MARF1: variants seen among roughly 807,000 people sequenced by gnomAD.
The protein encoded by MARF1 is meiosis regulator and mRNA stability factor 1.
MARF1 carries 24 observed loss-of-function variants against 168.2 expected under a neutral mutation model. The ratio of observed to expected loss-of-function variants is 0.14; its 90% CI spans 0.10 to 0.20. The LOEUF (loss-of-function observed/expected upper bound fraction) is 0.20, where lower values mean the gene tolerates loss of function less well. MARF1 is among the 10% of genes least tolerant of loss of function. The pLI is 1.00. For missense variants in MARF1, 1,744 were observed against 2,143.6 expected (o/e 0.81, Z 3.68); for synonymous variants, 868 against 822.4 (o/e 1.06, Z -0.95).
At chr16:15,611,185 G>A (rs527836668) in intron 18 of MARF1, 77 bp from the exon 19 acceptor site, 57 of 1,450,022 alleles carry the variant, frequency 3.9e-5, no homozygotes, top group East Asian at 2.1e-4. Flanking sequence ...CCGGCCGGGC[G>A]CTGGGGCTCA....
intron 20 of MARF1, chr16:15,608,854 C>G (rs371710701): frequency 9.2e-5 from 30 of 326,012 alleles, no homozygotes; most frequent in Non-Finnish European, 1.5e-4. Flanking sequence ...TTAGCAACAG[C>G]GAACAGCTTA....
At chr16:15,627,178 C>T (rs2034923464) in intron 7 of MARF1, among the ~76,000 whole-genome samples, 2 of 151,088 alleles carry the variant, frequency 1.3e-5, no homozygotes, top group South Asian at 4.2e-4. Flanking sequence ...ACAGTGAGAC[C>T]CCATCTCTAT....
At position 15,630,486 on chromosome 16, in the gene MARF1, A is replaced by C; in HGVS notation, c.1370T>G (p.Leu457Trp). The change falls in exon 7 of 27, where the codon TTG (leucine) becomes TGG (tryptophan). Residue 457 changes from leucine to tryptophan, a missense_variant. Leu to Trp is a moderately conservative substitution (Grantham distance 61). This residue lies in a region of MARF1 where 217 missense variants were observed against 372.4 expected (regional missense o/e 0.58). Coordinates refer to ENST00000396368, the MANE Select transcript of MARF1 (RefSeq NM_014647.4). ...CCTGTGTCTCAGGTCACTAAGTTCC[A>C]ATGCAAAATTGACATCAGCTGAAAG... ...VLVSTDVNFA[L>W]ELSDLRHRHG... is the part of the protein sequence containing the mutation. The C allele has an allele frequency of 6.2e-7, 1 of 1,613,354 alleles. No individual in the cohort carries two copies. Among genetic ancestry groups the C allele is most frequent in the Non-Finnish European group, 8.5e-7 (1 of 1,179,726 alleles).
intron 11 of MARF1, 33 bp downstream of exon 11, chr16:15,622,901 A>G (rs770647796): frequency 2.6e-6 from 4 of 1,540,832 alleles, no homozygotes; most frequent in African/African-American, 1.4e-5. Context: ...ATCAGAGAGT[A>G]TAACAAAGCA....
intron 4 of MARF1, among the ~76,000 whole-genome samples, chr16:15,634,273 T>A (rs2035441604): frequency 6.6e-6 from 1 of 152,256 alleles, no homozygotes; most frequent in Non-Finnish European, 1.5e-5. Context: ...AAGCTGTTAC[T>A]GTCGTTGATT....
At position 15,595,228 on chromosome 16, in the gene MARF1, G is replaced by A. The variant is rs186961189; in HGVS notation, c.*1465C>T. Reference sequence around the variant, plus strand: ...CATGTGTTGAGAACTGGGAGTCACTGGCTTCATTTAAAAGATTTGGGGAAC... The same window carrying A: ...CATGTGTTGAGAACTGGGAGTCACTAGCTTCATTTAAAAGATTTGGGGAAC... On this transcript the variant is annotated 3_prime_UTR_variant, in exon 27 of 27. Transcript: ENST00000396368. 6.6e-6 allele frequency: 1 copy of A among 152,650 alleles called. No individual in the cohort carries two copies. Among genetic ancestry groups the A allele is most frequent in the African/African-American group, 2.4e-5 (1 of 41,544 alleles). The allele number at this position is 152,650 out of a possible 1,614,324, so 9.5% of individuals were successfully genotyped here. A position where few individuals can be genotyped will look rare whatever the true frequency, so the allele number is the denominator to read the frequency against.
Position 15,639,294 on chromosome 16 carries a change from G to C in MARF1, c.-58-3C>G, listed in dbSNP as rs1246200971. 6.6e-7 allele frequency: 1 copy of C among 1,526,394 alleles called. No individual in the cohort carries two copies. Among genetic ancestry groups the C allele is most frequent in the Non-Finnish European group, 8.9e-7 (1 of 1,126,358 alleles). 94.6% of individuals were successfully genotyped at this position (1,526,394 alleles called of 1,614,324 possible). A position where few individuals can be genotyped will look rare whatever the true frequency, so the allele number is the denominator to read the frequency against. ...TTCTTTTCTTTCATTCTTCCACCCT[G>C]TTAAGAATGAGTAAGATTTCAGTGT... is the stretch of plus-strand genomic sequence containing the variant. On this transcript the variant is annotated splice_polypyrimidine_tract_variant and splice_region_variant and intron_variant, in intron 1 of 26. Coordinates refer to ENST00000396368, the MANE Select transcript of MARF1 (RefSeq NM_014647.4).
In MARF1 at chr16:15,639,173, C is replaced by G. The variant is rs2035786151; in HGVS notation, c.61G>C (p.Asp21His). The G allele has an allele frequency of 6.2e-7, 1 of 1,614,190 alleles. No individual in the cohort carries two copies. Among genetic ancestry groups the G allele is most frequent in the South Asian group, 1.1e-5 (1 of 91,086 alleles). ...CAAAGCCATGGCTTAGCATCATTAT[C>G]TTGTTGAAGCCATCCACGTGTTCTA... is the stretch of plus-strand genomic sequence containing the variant. The part of the protein sequence containing the change: ...CSRTRGWLQQ[D>H]NDAKPWLWKF... Residue 21 changes from aspartate to histidine, a missense_variant, in exon 2 of 27, where the codon GAT (aspartate) becomes CAT (histidine). Coordinates refer to ENST00000396368, the MANE Select transcript of MARF1 (RefSeq NM_014647.4).
intron 21 of MARF1, 134 bp downstream of exon 21, chr16:15,608,157 A>C (rs931834435): frequency 6.3e-6 from 4 of 629,944 alleles, no homozygotes; most frequent in Admixed American, 3.0e-5. Context: ...ACGAGTCATA[A>C]TGCTGTGACA....
chr16:15,604,393 G>A lies in MARF1; in HGVS notation c.4188C>T (p.Ala1396=), dbSNP rs1261788875. 2.5e-6 allele frequency: 4 copies of A among 1,611,198 alleles called. No homozygotes were observed. The highest frequency in any genetic ancestry group is 1.7e-5 in the Admixed American group (1 of 60,014). Residue 1396 remains alanine (A), a synonymous_variant, in exon 22 of 27, where the codon GCC becomes GCT. Transcript: ENST00000396368. ...GAATCTGTCTGCCAGATTCTATATC[G>A]GCAACCTGGGGAAAACGAGAATTCA... ...TQKLCHVVKV[A]DIESGRQIQL... is the part of the protein sequence containing the mutation.
At chr16:15,634,304 C>CA (rs1182007117) in intron 4 of MARF1, among the ~76,000 whole-genome samples, 3 of 152,184 alleles carry the variant, frequency 2.0e-5, no homozygotes, top group Non-Finnish European at 4.4e-5. Flanking sequence ...GCTGCATTAA[C>CA]ATCTGATTTA....
intron 10 of MARF1, 88 bp downstream of exon 10, chr16:15,624,681 C>T (rs1043668500): frequency 7.9e-7 from 1 of 1,264,988 alleles, no homozygotes; most frequent in African/African-American, 1.5e-5. Context: ...CATTTCAGTA[C>T]TATCTGAATT....
intron 17 of MARF1, 141 bp downstream of exon 17, chr16:15,612,416 C>G: frequency 1.4e-6 from 1 of 715,484 alleles, no homozygotes; most frequent in Non-Finnish European, 2.5e-6. Flanking sequence ...TGTGTTATTC[C>G]TGCCCTCTGA....
rs1471778778 is a variant in MARF1 at position 15,608,169 on chromosome 16, T to A, written c.4182+122A>T. The A allele has an allele frequency of 6.2e-6, 4 of 642,314 alleles. No homozygotes were observed. The East Asian group carries it at 1.1e-4, about 17-fold the overall frequency. 39.8% of individuals were successfully genotyped at this position (642,314 alleles called of 1,614,324 possible). ...AAAACGAGTCATAATGCTGTGACAG[T>A]TAAGTAGTTCAAGGTGTAAATAAAG... On this transcript the variant is annotated intron_variant, in intron 21 of 26. Transcript: ENST00000396368.
rs964463455 is a variant in MARF1, at chr16:15,595,495, G to C, written c.*1198C>G. On this transcript the variant is annotated 3_prime_UTR_variant, in exon 27 of 27. Coordinates refer to ENST00000396368, the MANE Select transcript of MARF1 (RefSeq NM_014647.4). The stretch of plus-strand genomic sequence containing the variant: ...TTGTAAATGTCAGGTTTCTCTAGAG[G>C]GGGGTGAGAGGCCACCCGTCAGCGG... 2.0e-5 allele frequency: 3 copies of C among 152,648 alleles called. No individual in the cohort carries two copies. The East Asian group carries it at 5.8e-4, about 29-fold the overall frequency. 9.5% of individuals were successfully genotyped at this position (152,648 alleles called of 1,614,324 possible).
At chr16:15,598,093 G>A (rs1596418280) in intron 26 of MARF1, among the ~76,000 whole-genome samples, 1 of 152,174 alleles carries the variant, frequency 6.6e-6, no homozygotes, top group African/African-American at 2.4e-5. Context: ...AGAGCAGGGA[G>A]GGATCTGTAC....
intron 21 of MARF1, 56 bp downstream of exon 21, chr16:15,608,235 T>A: frequency 8.9e-7 from 1 of 1,122,376 alleles, no homozygotes; most frequent in Non-Finnish European, 1.3e-6. Context: ...GAGAATTAGG[T>A]CACTGTGAGT....
chr16:15,635,043 T>C (rs1418469495), intron 3 of MARF1, 112 bp from the exon 4 acceptor site: 5 of 821,546 alleles, frequency 6.1e-6, no homozygotes, highest in Non-Finnish European at 9.3e-6. Context: ...TTCCACTTGC[T>C]AGCCTCTAAT....
chr16:15,640,513 G>A (rs2035879428), intron 1 of MARF1, among the ~76,000 whole-genome samples: 1 of 152,172 alleles, frequency 6.6e-6, no homozygotes, highest in South Asian at 2.1e-4. Context: ...CAACCAGCCT[G>A]GGCAACATGG....
Sources: gnomAD v4.1 joint callset for allele counts (sites outside exome capture counted in the v4.1 genomes callset) on GRCh38, gnomAD v4.1.1 for gene constraint, gnomAD v4.1.1 regional missense constraint, MANE v1.5 for transcripts, NCBI Gene and HGNC (gene_info 2026-07-23, HGNC 2026-07-21) for gene names.